Variants in RGS6 observed in about 807,000 individuals in gnomAD.
The protein encoded by RGS6 is regulator of G protein signaling 6.
Under a neutral mutation model 78.5 loss-of-function variants are expected in RGS6, and 30 were observed. The observed-to-expected ratio is 0.38, with a 90% CI of 0.29 to 0.52. RGS6 has a LOEUF of 0.52. Ranked by LOEUF, RGS6 falls within the 20% of genes least tolerant of loss-of-function variation. The pLI is 0.85. For missense variants in RGS6, 495 were observed against 609.7 expected, an observed-to-expected ratio of 0.81 and a Z score of 1.98; for synonymous variants, 206 against 206.0, an observed-to-expected ratio of 1.00 and a Z score of 0.00.
the RGS6 span, among the ~76,000 whole-genome samples, chr14:72,617,612 A>G: frequency 6.6e-6 from 1 of 152,166 alleles, no homozygotes; most frequent in Non-Finnish European, 1.5e-5. Flanking sequence ...ATCGCTTGCC[A>G]CAGGTCACTC....
At chr14:72,009,220 G>A (rs908864709) in intron 2 of RGS6, among the ~76,000 whole-genome samples, 1 of 152,276 alleles carries the variant, frequency 6.6e-6, no homozygotes, top group East Asian at 1.9e-4. Flanking sequence ...GCATGGTAGT[G>A]TGCACCTGTA....
intron 2 of RGS6, among the ~76,000 whole-genome samples, chr14:72,230,105 G>C (rs939489503): frequency 1.3e-5 from 2 of 152,242 alleles, no homozygotes; most frequent in Non-Finnish European, 2.9e-5. Context: ...AGTAGAACCA[G>C]ATGGAAAGGG....
intron 2 of RGS6, among the ~76,000 whole-genome samples, chr14:72,133,567 A>G (rs1029897019): frequency 6.6e-6 from 1 of 152,090 alleles, no homozygotes; most frequent in African/African-American, 2.4e-5. Flanking sequence ...CTGGCTTGCA[A>G]TAACCCCTGG....
chr14:72,247,407 A>G (rs2054503827), intron 2 of RGS6, among the ~76,000 whole-genome samples: 1 of 152,146 alleles, frequency 6.6e-6, no homozygotes, highest in Non-Finnish European at 1.5e-5. Context: ...TCCTCTCATA[A>G]CTTTATGTGA....
chr14:72,209,936 T>C (rs1006550081), intron 2 of RGS6, among the ~76,000 whole-genome samples: 1 of 152,208 alleles, frequency 6.6e-6, no homozygotes, highest in Admixed American at 6.5e-5. Flanking sequence ...AATCATTCAG[T>C]TTTATCTGCG....
chr14:72,571,943 T>C, the RGS6 span, among the ~76,000 whole-genome samples: 2 of 152,182 alleles, frequency 1.3e-5, no homozygotes, highest in Non-Finnish European at 2.9e-5. Flanking sequence ...ATAGAACTTG[T>C]AAAATTCAGT....
chr14:72,169,620 T>C (rs550034924), intron 2 of RGS6, among the ~76,000 whole-genome samples: 1 of 152,188 alleles, frequency 6.6e-6, no homozygotes, highest in African/African-American at 2.4e-5. Flanking sequence ...TTTCTTTTCT[T>C]ATCGTGGCAG....
chr14:72,232,985 G>A (rs1315252789), intron 2 of RGS6, among the ~76,000 whole-genome samples: 1 of 152,188 alleles, frequency 6.6e-6, no homozygotes, highest in Non-Finnish European at 1.5e-5. Flanking sequence ...CTGAGGGGAT[G>A]TGAGGAATGA....
intron 2 of RGS6, among the ~76,000 whole-genome samples, chr14:72,040,689 T>C (rs1288664267): frequency 6.6e-6 from 1 of 152,182 alleles, no homozygotes; most frequent in African/African-American, 2.4e-5. Flanking sequence ...CATTATTTTC[T>C]CCTTTCTCTC....
chr14:71,949,076 G>T (rs957283606), intron 1 of RGS6, among the ~76,000 whole-genome samples: 1 of 151,232 alleles, frequency 6.6e-6, no homozygotes, highest in African/African-American at 2.4e-5. Context: ...ACTGTTGAGG[G>T]ACATTTGGGA....
chr14:72,482,560 G>A (rs1446920934), intron 12 of RGS6, among the ~76,000 whole-genome samples: 1 of 152,184 alleles, frequency 6.6e-6, no homozygotes, highest in Non-Finnish European at 1.5e-5. Context: ...CTATGGGTTG[G>A]CGAGGCAGCT....
chr14:72,509,958 G>A (rs2096858554), intron 13 of RGS6, among the ~76,000 whole-genome samples, 196 bp from the exon 14 acceptor site: 1 of 152,194 alleles, frequency 6.6e-6, no homozygotes, highest in Admixed American at 6.5e-5. Context: ...TAAAGAAACT[G>A]TTCATCATTG....
At chr14:72,409,063 A>G (rs1367614243) in intron 3 of RGS6, among the ~76,000 whole-genome samples, 1 of 152,248 alleles carries the variant, frequency 6.6e-6, no homozygotes, top group African/African-American at 2.4e-5. Context: ...AAACTAGCAC[A>G]TTATATAAAA....
chr14:72,536,403 A>G (rs972864313), intron 16 of RGS6, 128 bp downstream of exon 16: 6 of 692,238 alleles, frequency 8.7e-6, no homozygotes, highest in African/African-American at 1.8e-5. Context: ...TCCCTTCTCT[A>G]TCTGCTCCCA....
intron 2 of RGS6, among the ~76,000 whole-genome samples, chr14:71,993,367 G>T (rs1324478554): frequency 6.6e-6 from 1 of 152,116 alleles, no homozygotes; most frequent in Non-Finnish European, 1.5e-5. Flanking sequence ...TATTCATGGA[G>T]TCTAGATGAA....
intron 2 of RGS6, among the ~76,000 whole-genome samples, chr14:71,978,814 A>T (rs552726859): frequency 6.6e-6 from 1 of 151,932 alleles, no homozygotes; most frequent in South Asian, 2.1e-4. Context: ...TTTCCTATTG[A>T]TTGGAATAGT....
chr14:72,321,657 A>G (rs984280749), intron 2 of RGS6, among the ~76,000 whole-genome samples: 4 of 152,072 alleles, frequency 2.6e-5, no homozygotes, highest in African/African-American at 9.6e-5. Flanking sequence ...AAGATCTAAT[A>G]GTCATTAAGT....
chr14:72,043,145 G>A (rs1219587991), intron 2 of RGS6, among the ~76,000 whole-genome samples: 1 of 152,034 alleles, frequency 6.6e-6, no homozygotes, highest in Non-Finnish European at 1.5e-5. Context: ...TATTAAGGGT[G>A]TTAATACTTT....
chr14:72,375,570 C>A (rs528719346), intron 3 of RGS6, among the ~76,000 whole-genome samples: 1 of 152,148 alleles, frequency 6.6e-6, no homozygotes, highest in Non-Finnish European at 1.5e-5. Flanking sequence ...CCATGTGCCC[C>A]TAGACAGAGT....
Sources: gnomAD v4.1 joint callset for allele counts (sites outside exome capture counted in the v4.1 genomes callset) on GRCh38, gnomAD v4.1.1 for gene constraint, MANE v1.5 for transcripts, NCBI Gene and HGNC (gene_info 2026-07-23, HGNC 2026-07-21) for gene names.